The following COP1 variants were observed in gnomAD, a reference collection of about 807,000 sequenced individuals.
COP1 encodes E3 ubiquitin-protein ligase COP1.
A neutral mutation model predicts 101.3 loss-of-function variants in COP1; 24 were observed. The ratio of observed to expected loss-of-function variants is 0.24; its 90% CI spans 0.17 to 0.33. The LOEUF (loss-of-function observed/expected upper bound fraction) is 0.33, where lower values mean the gene tolerates loss of function less well. Ranked by LOEUF, COP1 falls within the 10% of genes least tolerant of loss-of-function variation. COP1 has a pLI of 1.00. For missense variants in COP1, 663 were observed against 906.2 expected, an observed-to-expected ratio of 0.73 and a Z score of 3.45; for synonymous variants, 347 against 341.9, an observed-to-expected ratio of 1.01 and a Z score of -0.17.
intron 11 of COP1, among the ~76,000 whole-genome samples, chr1:176,057,984 G>A (rs572111098): frequency 1.6e-4 from 13 of 82,866 alleles, no homozygotes; most frequent in Non-Finnish European, 3.4e-4. Flanking sequence ...CTGCCTGGCC[G>A]CCCCGTCTGA....
chr1:176,033,018 T>C (rs1668889231), intron 14 of COP1, among the ~76,000 whole-genome samples: 1 of 152,206 alleles, frequency 6.6e-6, no homozygotes, highest in African/African-American at 2.4e-5. Flanking sequence ...GATGAAAAAC[T>C]GGAAGCATTA....
chr1:175,965,302 C>T (rs936986028), intron 18 of COP1, among the ~76,000 whole-genome samples: 1 of 152,140 alleles, frequency 6.6e-6, no homozygotes, highest in Non-Finnish European at 1.5e-5. Flanking sequence ...TATGAACATC[C>T]TCTCCCTTGC....
rs185975920 is a variant in COP1 at position 176,044,265 on chromosome 1, A to G, written c.1422-447T>C. ...AATTGGGTTTCTGTATTTACATCCCAAAAGTCTTGACTTGACTAATTATAA... is the reference window on the plus strand; with the variant it reads ...AATTGGGTTTCTGTATTTACATCCCGAAAGTCTTGACTTGACTAATTATAA... On this transcript the variant is annotated intron_variant, in intron 12 of 19. Coordinates refer to ENST00000367669, the MANE Select transcript of COP1 (RefSeq NM_022457.7). 3.0e-3 allele frequency among the ~76,000 whole-genome samples: 457 copies of G among 152,360 alleles called. 2 individuals are homozygous for G. The highest frequency in any genetic ancestry group is 0.01 in the African/African-American group (430 of 41,580).
chr1:176,148,310 T>G (rs1691891918), intron 6 of COP1, among the ~76,000 whole-genome samples: 1 of 151,982 alleles, frequency 6.6e-6, no homozygotes, highest in Non-Finnish European at 1.5e-5. Flanking sequence ...AACAGACAAT[T>G]TACACATTTT....
chr1:176,202,735 G>C (rs1281229173), intron 1 of COP1, among the ~76,000 whole-genome samples: 1 of 151,926 alleles, frequency 6.6e-6, no homozygotes, highest in African/African-American at 2.4e-5. Context: ...TTCATTTTTA[G>C]TGCTAAAATG....
chr1:175,962,743 C>T (rs1313406784), intron 18 of COP1, among the ~76,000 whole-genome samples: 6 of 152,094 alleles, frequency 3.9e-5, no homozygotes, highest in African/African-American at 1.2e-4. Context: ...TTCCTTCAGC[C>T]ATCTCTCACC....
chr1:176,030,262 A>AG (rs1668432583), intron 14 of COP1, among the ~76,000 whole-genome samples: 1 of 152,244 alleles, frequency 6.6e-6, no homozygotes, highest in East Asian at 1.9e-4. Flanking sequence ...TTCTAAGATG[A>AG]GATGGCTCCC....
intron 5 of COP1, among the ~76,000 whole-genome samples, chr1:176,157,732 G>A (rs1315263354): frequency 6.6e-6 from 1 of 152,118 alleles, no homozygotes; most frequent in Non-Finnish European, 1.5e-5. Context: ...CACTGAACAA[G>A]GTGAAATTTA....
chr1:176,020,148 T>C (rs1019104736), intron 15 of COP1, among the ~76,000 whole-genome samples: 2 of 143,806 alleles, frequency 1.4e-5, no homozygotes, highest in African/African-American at 5.2e-5. Flanking sequence ...CCATCTCTAC[T>C]AAAAATACAA....
At chr1:176,194,776 A>G (rs916590107) in intron 1 of COP1, among the ~76,000 whole-genome samples, 1 of 152,074 alleles carries the variant, frequency 6.6e-6, no homozygotes, top group Non-Finnish European at 1.5e-5. Context: ...CCATGTAAAC[A>G]CTTATGAAAA....
chr1:176,155,264 C>T (rs923637151), intron 5 of COP1, among the ~76,000 whole-genome samples: 2 of 152,018 alleles, frequency 1.3e-5, no homozygotes, highest in Admixed American at 6.6e-5. Flanking sequence ...CCCAGTTAAG[C>T]TGAATTCCTG....
chr1:176,157,329 C>G (rs774887780), intron 5 of COP1, among the ~76,000 whole-genome samples: 8 of 152,176 alleles, frequency 5.3e-5, no homozygotes, highest in Non-Finnish European at 1.0e-4. Flanking sequence ...TGCTGAGCTA[C>G]AATGAAATCA....
chr1:176,058,472 T>G (rs1674226511), intron 11 of COP1, among the ~76,000 whole-genome samples: 1 of 152,114 alleles, frequency 6.6e-6, no homozygotes, highest in South Asian at 2.1e-4. Context: ...AACCCTGTGC[T>G]CTCTGAAACA....
chr1:176,026,107 A>G lies in COP1; in HGVS notation c.1729+1465T>C, dbSNP rs530700082. ...GAGAAAAATAACTAAGAAATGTATGAAAATGTATAATACTGGGGAAAACTG... is the reference window on the plus strand; with the variant it reads ...GAGAAAAATAACTAAGAAATGTATGGAAATGTATAATACTGGGGAAAACTG... On this transcript the variant is annotated intron_variant, in intron 15 of 19. Transcript: ENST00000367669. Among the ~76,000 whole-genome samples the G allele has an allele frequency of 2.2e-4, 34 of 152,226 alleles. 1 individual carries two copies. In the South Asian group the frequency reaches 7.0e-3, roughly 32 times the overall value.
At chr1:175,952,859 G>A (rs1041914231) in intron 18 of COP1, among the ~76,000 whole-genome samples, 24 of 152,200 alleles carry the variant, frequency 1.6e-4, no homozygotes, top group African/African-American at 5.5e-4. Flanking sequence ...TGAGGCTGCA[G>A]TGAGCTATGG....
At position 176,045,581 on chromosome 1, in the gene COP1, GA is replaced by G. The variant is rs533930344; in HGVS notation, c.1421+599del. Among the ~76,000 whole-genome samples the G allele has an allele frequency of 6.2e-3, 624 of 101,130 alleles. 4 individuals are homozygous for G. The highest frequency in any genetic ancestry group is 0.011 in the Admixed American group (111 of 9,804). The allele number at this position is 101,130 out of a possible 152,430, so 66.3% of individuals were successfully genotyped here. A position where few individuals can be genotyped will look rare whatever the true frequency, so the allele number is the denominator to read the frequency against. On this transcript the variant is annotated intron_variant, in intron 12 of 19. Transcript: ENST00000367669. ...ACAGCTTGGGAAGCTTGTTTAGAAGGAAAAAAAAAAAAAAAAAAGCAGATTC... is the reference window on the plus strand; with the variant it reads ...ACAGCTTGGGAAGCTTGTTTAGAAGGAAAAAAAAAAAAAAAAAGCAGATTC...
intron 15 of COP1, among the ~76,000 whole-genome samples, chr1:176,010,925 TATTA>T (rs1455472883): frequency 6.6e-6 from 1 of 152,228 alleles, no homozygotes; most frequent in East Asian, 1.9e-4. Context: ...AAATTGTCTA[TATTA>T]ACATTTCCTC....
At chr1:176,064,096 C>T (rs371403289) in intron 11 of COP1, among the ~76,000 whole-genome samples, 6 of 152,124 alleles carry the variant, frequency 3.9e-5, no homozygotes, top group East Asian at 3.9e-4. Context: ...CTGTACCTGA[C>T]GGATCTTTCA....
At chr1:176,002,409 G>C (rs1196200556) in intron 15 of COP1, among the ~76,000 whole-genome samples, 1 of 151,730 alleles carries the variant, frequency 6.6e-6, no homozygotes, top group Non-Finnish European at 1.5e-5. Flanking sequence ...CATAGTGCAG[G>C]TTAGTTACAT....
Sources: gnomAD v4.1 joint callset for allele counts (sites outside exome capture counted in the v4.1 genomes callset) on GRCh38, gnomAD v4.1.1 for gene constraint, MANE v1.5 for transcripts, NCBI Gene and HGNC (gene_info 2026-07-23, HGNC 2026-07-21) for gene names.